FBXL20: variants seen among roughly 807,000 people sequenced by gnomAD.
FBXL20 encodes F-box/LRR-repeat protein 20.
FBXL20 carries 11 observed loss-of-function variants against 64.0 expected under a neutral mutation model. That is an observed-to-expected ratio of 0.17 (90% CI 0.11 to 0.28). FBXL20 has a LOEUF of 0.28. Ranked by LOEUF, FBXL20 falls within the 10% of genes least tolerant of loss-of-function variation. The pLI is 1.00. For synonymous variants in FBXL20, 184 were observed against 189.0 expected (o/e 0.97, Z 0.22); for missense variants, 303 against 526.2 (o/e 0.58, Z 4.15).
chr17:39,269,822 AT>A (rs1238888398), intron 11 of FBXL20, among the ~76,000 whole-genome samples: 1 of 151,344 alleles, frequency 6.6e-6, no homozygotes, highest in Non-Finnish European at 1.5e-5. Context: ...CAGAGATGAA[AT>A]TTCGCCATGT....
intron 2 of FBXL20, among the ~76,000 whole-genome samples, chr17:39,334,635 ATTC>A (rs2047502837): frequency 1.3e-5 from 2 of 152,214 alleles, no homozygotes; most frequent in South Asian, 4.1e-4. Context: ...AAAATTTCAT[ATTC>A]TTTTTTACCT....
At chr17:39,310,436 TC>T (rs1202891069) in intron 2 of FBXL20, among the ~76,000 whole-genome samples, 1 of 152,018 alleles carries the variant, frequency 6.6e-6, no homozygotes, top group African/African-American at 2.4e-5. Flanking sequence ...TAAGAATTCA[TC>T]CCCTAAACCT....
At chr17:39,323,853 A>G (rs945999401) in intron 2 of FBXL20, among the ~76,000 whole-genome samples, 2 of 150,976 alleles carry the variant, frequency 1.3e-5, no homozygotes, top group African/African-American at 4.9e-5. Context: ...GCTCACTGCA[A>G]CCTCCCAGGT....
At chr17:39,281,053 C>T (rs187132227) in intron 9 of FBXL20, among the ~76,000 whole-genome samples, 2 of 152,260 alleles carry the variant, frequency 1.3e-5, no homozygotes, top group African/African-American at 2.4e-5. Flanking sequence ...CATGAGCCAC[C>T]GTGCCCAGCT....
intron 2 of FBXL20, among the ~76,000 whole-genome samples, chr17:39,316,569 C>T (rs371652319): frequency 7.9e-5 from 12 of 152,270 alleles, no homozygotes; most frequent in African/African-American, 2.9e-4. Flanking sequence ...GAAGGGGCTT[C>T]CACTGGCCAA....
At chr17:39,374,199 T>A (rs72825148) in intron 1 of FBXL20, among the ~76,000 whole-genome samples, 8,047 of 147,320 alleles carry the variant, frequency 0.055, 237 homozygotes, top group Non-Finnish European at 0.079. Flanking sequence ...CACACTAGCC[T>A]GGGCGACAAA....
At chr17:39,329,835 G>GA (rs902243793) in intron 2 of FBXL20, among the ~76,000 whole-genome samples, 4 of 151,518 alleles carry the variant, frequency 2.6e-5, no homozygotes, top group Non-Finnish European at 5.9e-5. Context: ...TTGTTTCTAC[G>GA]AAAAAAAATT....
At chr17:39,311,935 G>T (rs1318635951) in intron 2 of FBXL20, among the ~76,000 whole-genome samples, 1 of 152,168 alleles carries the variant, frequency 6.6e-6, no homozygotes, top group Non-Finnish European at 1.5e-5. Flanking sequence ...GTAGTCAGAT[G>T]TGTGCAGACT....
chr17:39,301,417 C>A (rs1045141840), intron 3 of FBXL20, among the ~76,000 whole-genome samples: 1 of 152,006 alleles, frequency 6.6e-6, no homozygotes, highest in African/African-American at 2.4e-5. Flanking sequence ...ATAGCCAGAC[C>A]CGATCCCTAT....
At chr17:39,312,226 C>T (rs2047241230) in intron 2 of FBXL20, among the ~76,000 whole-genome samples, 2 of 151,834 alleles carry the variant, frequency 1.3e-5, no homozygotes, top group Non-Finnish European at 2.9e-5. Context: ...ACCAGCCTGG[C>T]CAACACAGTA....
At chr17:39,385,080 T>C (rs2048065112) in intron 1 of FBXL20, among the ~76,000 whole-genome samples, 1 of 152,192 alleles carries the variant, frequency 6.6e-6, no homozygotes, top group South Asian at 2.1e-4. Flanking sequence ...CAATTAGCTA[T>C]GCATGGTGGT....
intron 5 of FBXL20, 51 bp from the exon 6 acceptor site, chr17:39,297,246 G>T: frequency 8.9e-7 from 1 of 1,121,902 alleles, no homozygotes; most frequent in Non-Finnish European, 1.3e-6. Context: ...CCAAATTCCA[G>T]TCATTAAAAA....
intron 2 of FBXL20, among the ~76,000 whole-genome samples, chr17:39,325,360 T>C (rs892496403): frequency 3.9e-5 from 6 of 152,188 alleles, no homozygotes; most frequent in African/African-American, 1.4e-4. Context: ...ATAACATGTT[T>C]TAAATAATCA....
intron 2 of FBXL20, among the ~76,000 whole-genome samples, chr17:39,339,234 A>T (rs931120723): frequency 4.6e-5 from 7 of 151,920 alleles, no homozygotes; most frequent in African/African-American, 1.4e-4. Flanking sequence ...CATCTGTATA[A>T]AAAAAATAAG....
intron 3 of FBXL20, among the ~76,000 whole-genome samples, chr17:39,301,826 G>A (rs1412006213): frequency 6.6e-6 from 1 of 152,006 alleles, no homozygotes; most frequent in Non-Finnish European, 1.5e-5. Context: ...GGAGGTAAGG[G>A]CTGCAGTGAG....
chr17:39,359,991 T>TA (rs1167818623), intron 1 of FBXL20, among the ~76,000 whole-genome samples: 7 of 152,164 alleles, frequency 4.6e-5, no homozygotes, highest in Non-Finnish European at 7.4e-5. Context: ...ATTAAAGTAT[T>TA]AAATGTATAA....
intron 1 of FBXL20, among the ~76,000 whole-genome samples, chr17:39,399,830 A>G (rs1425065134): frequency 6.6e-6 from 1 of 152,212 alleles, no homozygotes; most frequent in Non-Finnish European, 1.5e-5. Context: ...CACATACAAG[A>G]GAATACTTTC....
chr17:39,338,026 T>C (rs2047545496), intron 2 of FBXL20, among the ~76,000 whole-genome samples: 1 of 152,068 alleles, frequency 6.6e-6, no homozygotes, highest in African/African-American at 2.4e-5. Flanking sequence ...CACCACCCCG[T>C]CTGGGAGCTG....
chr17:39,278,871 T>A (rs1348737117), intron 9 of FBXL20, among the ~76,000 whole-genome samples: 1 of 148,980 alleles, frequency 6.7e-6, no homozygotes, highest in East Asian at 2.2e-4. Context: ...AATGAAATCA[T>A]GGCCGGGTGC....
Sources: gnomAD v4.1 joint callset for allele counts (sites outside exome capture counted in the v4.1 genomes callset) on GRCh38, gnomAD v4.1.1 for gene constraint, MANE v1.5 for transcripts, NCBI Gene and HGNC (gene_info 2026-07-23, HGNC 2026-07-21) for gene names.